The following THSD7A variants were observed in gnomAD, a reference collection of about 807,000 sequenced individuals.
THSD7A encodes the protein thrombospondin type-1 domain-containing protein 7A.
THSD7A carries 96 observed loss-of-function variants against 231.3 expected under a neutral mutation model. That is an observed-to-expected ratio of 0.41 (90% CI 0.35 to 0.49). THSD7A has a LOEUF of 0.49. Ranked by LOEUF, THSD7A falls within the 20% of genes least tolerant of loss-of-function variation. The pLI, the probability that THSD7A is intolerant of heterozygous loss-of-function variation, is 0.05. For missense variants in THSD7A, 2,290 were observed against 2,070.2 expected (o/e 1.11, Z -2.06); for synonymous variants, 940 against 743.3 (o/e 1.26, Z -4.30).
chr7:11,529,987 G>A lies in THSD7A; in HGVS notation c.1822+11432C>T, dbSNP rs147938571. ...CACTACAAAACAGCATTATAAACAG[G>A]TCTCATTTCACAGAAAAGGAAACGT... On this transcript the variant is annotated intron_variant, in intron 6 of 27. Coordinates refer to ENST00000423059, the MANE Select transcript of THSD7A (RefSeq NM_015204.3). 6.3e-3 allele frequency among the ~76,000 whole-genome samples: 960 copies of A among 152,116 alleles called. 3 individuals are homozygous for A. The highest frequency in any genetic ancestry group is 0.01 in the Non-Finnish European group (709 of 67,998).
At chr7:11,464,122 AT>A (rs1297014746) in intron 9 of THSD7A, among the ~76,000 whole-genome samples, 2 of 148,420 alleles carry the variant, frequency 1.3e-5, no homozygotes, top group Non-Finnish European at 3.0e-5. Flanking sequence ...TACAATTTCT[AT>A]TTTTTTCTTT....
intron 4 of THSD7A, among the ~76,000 whole-genome samples, chr7:11,579,875 T>A (rs1791082387): frequency 6.6e-6 from 1 of 152,206 alleles, no homozygotes; most frequent in Non-Finnish European, 1.5e-5. Flanking sequence ...CATGTGTTTC[T>A]GTTTCTCATC....
chr7:11,621,527 C>G (rs773158770), intron 2 of THSD7A, among the ~76,000 whole-genome samples: 5 of 151,754 alleles, frequency 3.3e-5, no homozygotes, highest in African/African-American at 7.3e-5. Flanking sequence ...CTTTTTTTCT[C>G]TGATTTATCT....
intron 4 of THSD7A, among the ~76,000 whole-genome samples, chr7:11,565,885 T>A (rs1021359015): frequency 6.6e-6 from 1 of 152,214 alleles, no homozygotes; most frequent in Non-Finnish European, 1.5e-5. Flanking sequence ...GTTCCTGCAG[T>A]TGCCAACTGA....
rs200616288 is a variant in THSD7A, at chr7:11,593,294, G to T, written c.1231C>A (p.Pro411Thr). 2 of 1,613,982 alleles carry T rather than the reference G, an allele frequency of 1.2e-6. No homozygotes were observed. Among genetic ancestry groups the T allele is most frequent in the South Asian group, 1.1e-5 (1 of 91,088 alleles). The stretch of plus-strand genomic sequence containing the variant: ...ACTCCATCTCCTTGAGACAAACAGG[G>T]TTCTTTTTCTTCAAATTCTGGACAC... ...KECPEFEEKE[P>T]CLSQGDGVVP... Residue 411 changes from proline (P) to threonine (T), a missense_variant, in exon 3 of 28, where the codon CCC becomes ACC. Coordinates refer to ENST00000423059, the MANE Select transcript of THSD7A (RefSeq NM_015204.3).
chr7:11,567,281 G>A (rs1023856771), intron 4 of THSD7A, among the ~76,000 whole-genome samples: 9 of 152,104 alleles, frequency 5.9e-5, no homozygotes, highest in Admixed American at 1.3e-4. Context: ...CAAGGCAGCA[G>A]AAAAGACAAG....
intron 1 of THSD7A, among the ~76,000 whole-genome samples, chr7:11,639,600 G>A (rs937167988): frequency 3.3e-5 from 5 of 152,016 alleles, no homozygotes; most frequent in Non-Finnish European, 7.4e-5. Context: ...CCCAGGAGGT[G>A]GAGGTTGCAG....
At chr7:11,565,634 T>C (rs750439247) in intron 4 of THSD7A, among the ~76,000 whole-genome samples, 1 of 152,110 alleles carries the variant, frequency 6.6e-6, no homozygotes, top group African/African-American at 2.4e-5. Context: ...GAGAGAAGAA[T>C]CAAGTATGGC....
At chr7:11,795,690 T>C (rs1784104346) in intron 1 of THSD7A, among the ~76,000 whole-genome samples, 1 of 151,912 alleles carries the variant, frequency 6.6e-6, no homozygotes, top group Non-Finnish European at 1.5e-5. Context: ...GAGGGTTCTC[T>C]GCTCCCTTAC....
At position 11,389,421 on chromosome 7, in the gene THSD7A, C is replaced by CTTTTTTTTTT. The variant is rs57755425; in HGVS notation, c.4412-6815_4412-6806dup. Among the ~76,000 whole-genome samples the CTTTTTTTTTT allele has an allele frequency of 4.0e-4, 15 of 37,608 alleles. 1 individual carries two copies. Among genetic ancestry groups the CTTTTTTTTTT allele is most frequent in the Non-Finnish European group, 5.8e-4 (12 of 20,704 alleles). The allele number at this position is 37,608 out of a possible 152,430, so 24.7% of individuals were successfully genotyped here. ...TCAGAGACTAGAATTGCAACTCCTGCTTTTTTTTTTTTTTTTTTTTTTTTT... is the reference window on the plus strand; with the variant it reads ...TCAGAGACTAGAATTGCAACTCCTGCTTTTTTTTTTTTTTTTTTTTTTTTTTTTTTTTTTT... On this transcript the variant is annotated intron_variant, in intron 23 of 27. Coordinates refer to ENST00000423059, the MANE Select transcript of THSD7A (RefSeq NM_015204.3).
rs781542698 is a variant in THSD7A at position 11,401,825 on chromosome 7, C to T, written c.4381G>A (p.Glu1461Lys). The change falls in exon 23 of 28, where the codon GAG becomes AAG. Residue 1461 changes from glutamate (E) to lysine (K), a missense_variant. Coordinates refer to ENST00000423059, the MANE Select transcript of THSD7A (RefSeq NM_015204.3). ...QELENQHLCP[E>K]QMLETKSCYD... Reference sequence around the variant, plus strand: ...CATGATTTTGTTTCTAACATCTGCTCTGGGCACAGATGCTGATTCTCTAGT... The same window carrying T: ...CATGATTTTGTTTCTAACATCTGCTTTGGGCACAGATGCTGATTCTCTAGT... 1 of 1,613,612 alleles carries T rather than the reference C, an allele frequency of 6.2e-7. No homozygotes were observed. Among genetic ancestry groups the T allele is most frequent in the South Asian group, 1.1e-5 (1 of 91,018 alleles).
chr7:11,466,024 A>C (rs545384217), intron 9 of THSD7A, among the ~76,000 whole-genome samples: 1 of 152,284 alleles, frequency 6.6e-6, no homozygotes, highest in African/African-American at 2.4e-5. Flanking sequence ...GGTATTTTAG[A>C]AGAAGGCTGA....
intron 4 of THSD7A, among the ~76,000 whole-genome samples, chr7:11,583,989 G>T (rs1584026403): frequency 6.6e-6 from 1 of 152,124 alleles, no homozygotes; most frequent in East Asian, 1.9e-4. Context: ...GGTAAGTTGA[G>T]TTTCTCTACT....
At chr7:11,821,229 T>G in intron 1 of THSD7A, 1 of 1,184,220 alleles carries the variant, frequency 8.4e-7, no homozygotes, top group South Asian at 1.2e-5. Context: ...TATGTTGGGC[T>G]AACAGTTCTG....
chr7:11,821,317 T>C (rs1278376680), intron 1 of THSD7A: 1 of 780,282 alleles, frequency 1.3e-6, no homozygotes, highest in Admixed American at 1.8e-5. Context: ...AACAGTTTTG[T>C]TCTTAATTTC....
chr7:11,657,049 T>C (rs968930436), intron 1 of THSD7A, among the ~76,000 whole-genome samples: 6 of 151,794 alleles, frequency 4.0e-5, no homozygotes, highest in African/African-American at 1.4e-4. Context: ...TCTTGAAGAG[T>C]GAGGACAAGC....
chr7:11,664,885 T>A (rs757715294), intron 1 of THSD7A, among the ~76,000 whole-genome samples: 1 of 151,946 alleles, frequency 6.6e-6, no homozygotes, highest in East Asian at 1.9e-4. Context: ...CTTTCAAAGG[T>A]TGAATGGAAT....
chr7:11,522,250 A>G (rs867875967), intron 6 of THSD7A, among the ~76,000 whole-genome samples: 2 of 152,302 alleles, frequency 1.3e-5, no homozygotes, highest in Middle Eastern at 3.4e-3. Context: ...TAAGAGTCAG[A>G]GCCTGCTTCC....
chr7:11,731,747 A>G (rs1314712854), intron 1 of THSD7A, among the ~76,000 whole-genome samples: 2 of 151,718 alleles, frequency 1.3e-5, no homozygotes, highest in Admixed American at 1.3e-4. Flanking sequence ...TATAGACTAA[A>G]TCTCACACAG....
Sources: gnomAD v4.1 joint callset for allele counts (sites outside exome capture counted in the v4.1 genomes callset) on GRCh38, gnomAD v4.1.1 for gene constraint, MANE v1.5 for transcripts, NCBI Gene and HGNC (gene_info 2026-07-23, HGNC 2026-07-21) for gene names.